EVI5: variants seen among roughly 807,000 people sequenced by gnomAD.
EVI5 encodes the protein ecotropic viral integration site 5 protein homolog.
A neutral mutation model predicts 112.0 loss-of-function variants in EVI5; 73 were observed. The observed-to-expected ratio is 0.65, with a 90% CI of 0.54 to 0.79. The LOEUF (loss-of-function observed/expected upper bound fraction) is 0.79, where lower values mean the gene tolerates loss of function less well. Ranked by LOEUF, EVI5 falls within the 30% of genes least tolerant of loss-of-function variation. The pLI is 0.00. For synonymous variants in EVI5, 305 were observed against 319.9 expected (o/e 0.95, Z 0.50); for missense variants, 900 against 968.8 (o/e 0.93, Z 0.94).
chr1:92,572,962 C>CA (rs1670539177), intron 18 of EVI5, among the ~76,000 whole-genome samples: 1 of 152,028 alleles, frequency 6.6e-6, no homozygotes, highest in African/African-American at 2.4e-5. Flanking sequence ...TTTTCTGAAG[C>CA]ATATTCTACT....
chr1:92,538,018 A>C (rs962741829), intron 19 of EVI5, among the ~76,000 whole-genome samples: 2 of 152,160 alleles, frequency 1.3e-5, no homozygotes, highest in East Asian at 3.8e-4. Flanking sequence ...AAGGAAAGGA[A>C]AGTTTGGAAT....
At chr1:92,589,684 T>C (rs374838116) in intron 18 of EVI5, among the ~76,000 whole-genome samples, 2 of 152,148 alleles carry the variant, frequency 1.3e-5, no homozygotes, top group South Asian at 2.1e-4. Context: ...ACTCCACCTC[T>C]GGGGGCAGGG....
At chr1:92,765,370 C>A (rs893273657) in intron 1 of EVI5, among the ~76,000 whole-genome samples, 5 of 151,176 alleles carry the variant, frequency 3.3e-5, no homozygotes, top group African/African-American at 1.2e-4. Context: ...ATGCATTTAG[C>A]CTTCCTTTAA....
intron 18 of EVI5, among the ~76,000 whole-genome samples, chr1:92,599,772 A>C (rs1648717513): frequency 6.6e-6 from 1 of 152,220 alleles, no homozygotes; most frequent in Admixed American, 6.5e-5. Flanking sequence ...TGATAGGTGC[A>C]GGAATAGGAT....
At chr1:92,722,619 G>A (rs1471151585) in intron 2 of EVI5, among the ~76,000 whole-genome samples, 1 of 151,792 alleles carries the variant, frequency 6.6e-6, no homozygotes, top group Non-Finnish European at 1.5e-5. Flanking sequence ...CTATTTAATA[G>A]TCCCTTTCAT....
chr1:92,693,637 T>C (rs1173669089), intron 9 of EVI5, among the ~76,000 whole-genome samples, 165 bp downstream of exon 9: 2 of 152,200 alleles, frequency 1.3e-5, no homozygotes, highest in Non-Finnish European at 2.9e-5. Context: ...GCTAGTCCCA[T>C]GCACCACTGT....
intron 1 of EVI5, among the ~76,000 whole-genome samples, chr1:92,744,187 T>C (rs1678888945): frequency 6.6e-6 from 1 of 152,220 alleles, no homozygotes; most frequent in African/African-American, 2.4e-5. Flanking sequence ...AATTCCACCG[T>C]GGTCTGAGAA....
At chr1:92,642,260 G>A (rs1478619647) in intron 13 of EVI5, among the ~76,000 whole-genome samples, 1 of 152,062 alleles carries the variant, frequency 6.6e-6, no homozygotes, top group African/African-American at 2.4e-5. Context: ...TGTTATTGTT[G>A]TTAATGCTAA....
intron 17 of EVI5, among the ~76,000 whole-genome samples, chr1:92,607,165 C>T (rs945486943): frequency 2.6e-5 from 4 of 152,026 alleles, no homozygotes; most frequent in African/African-American, 9.7e-5. Flanking sequence ...TCTAGTCTAT[C>T]CAGAAAACAT....
intron 1 of EVI5, among the ~76,000 whole-genome samples, chr1:92,740,689 A>T (rs1678232799): frequency 6.6e-6 from 1 of 152,202 alleles, no homozygotes; most frequent in Admixed American, 6.5e-5. Context: ...AAATCAACTA[A>T]TATTTACTGA....
At chr1:92,769,537 G>A (rs1031270921) in intron 1 of EVI5, among the ~76,000 whole-genome samples, 9 of 152,092 alleles carry the variant, frequency 5.9e-5, no homozygotes, top group Admixed American at 5.2e-4. Context: ...CCTGGAACCT[G>A]TGACTATGTT....
intron 9 of EVI5, among the ~76,000 whole-genome samples, chr1:92,690,328 A>G (rs1320106756): frequency 1.4e-5 from 2 of 146,836 alleles, no homozygotes; most frequent in Admixed American, 1.4e-4. Context: ...ATAATTTAAC[A>G]TGAAAAGTAT....
intron 16 of EVI5, among the ~76,000 whole-genome samples, chr1:92,621,549 G>C (rs1229558853): frequency 6.6e-6 from 1 of 152,074 alleles, no homozygotes; most frequent in Non-Finnish European, 1.5e-5. Flanking sequence ...CCTGATCTCA[G>C]GTGATCCACC....
At chr1:92,704,773 T>G (rs572877083) in intron 2 of EVI5, 29 bp from the exon 3 acceptor site, 2 of 1,163,714 alleles carry the variant, frequency 1.7e-6, no homozygotes, top group East Asian at 5.0e-5. Flanking sequence ...CTGTTCAAGA[T>G]CTAATCGGAC....
intron 19 of EVI5, among the ~76,000 whole-genome samples, chr1:92,551,309 T>C (rs2100762054): frequency 6.6e-6 from 1 of 152,230 alleles, no homozygotes; most frequent in African/African-American, 2.4e-5. Flanking sequence ...ATTACAGGCG[T>C]GAGCCACTGT....
intron 18 of EVI5, among the ~76,000 whole-genome samples, chr1:92,584,171 A>G (rs1399148320): frequency 6.6e-6 from 1 of 152,074 alleles, no homozygotes; most frequent in Admixed American, 6.5e-5. Flanking sequence ...GTACATAAAG[A>G]TATATTCAAG....
chr1:92,705,923 C>T (rs1375328230), intron 2 of EVI5, among the ~76,000 whole-genome samples: 5 of 152,114 alleles, frequency 3.3e-5, no homozygotes, highest in African/African-American at 1.2e-4. Context: ...TGCTACTCAT[C>T]TTTATATCCC....
chr1:92,567,233 T>C (rs921044232), intron 18 of EVI5, among the ~76,000 whole-genome samples: 10 of 152,194 alleles, frequency 6.6e-5, no homozygotes, highest in African/African-American at 9.7e-5. Flanking sequence ...AGTGTTATTA[T>C]AAGAGTCAAA....
intron 13 of EVI5, among the ~76,000 whole-genome samples, chr1:92,646,282 AG>A (rs752772819): frequency 3.3e-4 from 51 of 152,252 alleles, no homozygotes; most frequent in Non-Finnish European, 7.2e-4. Flanking sequence ...TAAGTACAGA[AG>A]GTTCTTTCTT....
Sources: gnomAD v4.1 joint callset for allele counts (sites outside exome capture counted in the v4.1 genomes callset) on GRCh38, gnomAD v4.1.1 for gene constraint, MANE v1.5 for transcripts, NCBI Gene and HGNC (gene_info 2026-07-23, HGNC 2026-07-21) for gene names.